ACACA: variants seen among roughly 807,000 people sequenced by gnomAD.
ACACA encodes acetyl-CoA carboxylase alpha.
In ACACA, 103 loss-of-function variants were observed where a neutral mutation model predicts 296.1. The ratio of observed to expected loss-of-function variants is 0.35; its 90% confidence interval spans 0.30 to 0.41. The LOEUF (loss-of-function observed/expected upper bound fraction) is 0.41, where lower values mean the gene tolerates loss of function less well. Ranked by LOEUF, ACACA falls within the 10% of genes least tolerant of loss-of-function variation. The pLI is 1.00. For missense variants in ACACA, 1,554 were observed against 2,989.7 expected (o/e 0.52, Z 11.20); for synonymous variants, 953 against 1,038.6 (o/e 0.92, Z 1.58).
chr17:37,210,663 G>A (rs1036689191), intron 29 of ACACA, among the ~76,000 whole-genome samples, 173 bp from the exon 30 acceptor site: 1 of 148,114 alleles, frequency 6.8e-6, no homozygotes, highest in African/African-American at 2.5e-5. Context: ...CTCCAAAGAG[G>A]CATGCTCCTA....
intron 32 of ACACA, among the ~76,000 whole-genome samples, chr17:37,206,123 T>C (rs2078489047): frequency 6.6e-6 from 1 of 152,174 alleles, no homozygotes; most frequent in Non-Finnish European, 1.5e-5. Context: ...CAATCTTTAC[T>C]TGGCATGAAG....
intron 29 of ACACA, among the ~76,000 whole-genome samples, chr17:37,211,401 C>T (rs766278609): frequency 5.3e-5 from 8 of 152,190 alleles, no homozygotes; most frequent in Non-Finnish European, 8.8e-5. Context: ...GCCTTTGCCA[C>T]TAACTCCTTT....
At chr17:37,213,458 G>A (rs2078849221) in intron 29 of ACACA, among the ~76,000 whole-genome samples, 1 of 151,910 alleles carries the variant, frequency 6.6e-6, no homozygotes, top group South Asian at 2.1e-4. Context: ...TGCTGTTTGG[G>A]CTATTCAAAA....
intron 52 of ACACA, among the ~76,000 whole-genome samples, chr17:37,100,766 CTG>C (rs2073314896): frequency 6.6e-6 from 1 of 152,074 alleles, no homozygotes; most frequent in East Asian, 1.9e-4. Context: ...AGGAGAAAGT[CTG>C]TGTTCTTAGA....
intron 45 of ACACA, among the ~76,000 whole-genome samples, chr17:37,132,902 T>C (rs778979103): frequency 1.3e-5 from 2 of 152,354 alleles, no homozygotes; most frequent in East Asian, 1.9e-4. Flanking sequence ...GCAAACTTGG[T>C]AGGCTCAATA....
intron 39 of ACACA, among the ~76,000 whole-genome samples, chr17:37,182,665 A>T (rs2077370831): frequency 6.6e-6 from 1 of 152,226 alleles, no homozygotes; most frequent in African/African-American, 2.4e-5. Context: ...CAGTGAATAC[A>T]AATGGAGATT....
chr17:37,094,558 T>C (rs1408500666), intron 54 of ACACA, among the ~76,000 whole-genome samples: 1 of 140,056 alleles, frequency 7.1e-6, no homozygotes, highest in Admixed American at 7.7e-5. Flanking sequence ...GTATCTATCA[T>C]TCTTTGAAGA....
intron 41 of ACACA, among the ~76,000 whole-genome samples, chr17:37,173,205 C>A (rs558900679): frequency 6.6e-6 from 1 of 152,310 alleles, no homozygotes; most frequent in South Asian, 2.1e-4. Context: ...AGCATATACA[C>A]ACTCTCTACA....
chr17:37,148,351 C>T (rs897192340), intron 45 of ACACA, among the ~76,000 whole-genome samples: 2 of 152,096 alleles, frequency 1.3e-5, no homozygotes, highest in Non-Finnish European at 2.9e-5. Context: ...GGGAGGAAGA[C>T]AGCCAAGTTC....
intron 41 of ACACA, among the ~76,000 whole-genome samples, chr17:37,165,985 C>T (rs1487608722): frequency 6.6e-6 from 1 of 151,994 alleles, no homozygotes; most frequent in Non-Finnish European, 1.5e-5. Context: ...CCTGAGAATT[C>T]TTCTGATAAC....
intron 29 of ACACA, among the ~76,000 whole-genome samples, chr17:37,216,222 A>G (rs1217255025): frequency 1.3e-5 from 2 of 150,960 alleles, no homozygotes; most frequent in African/African-American, 4.9e-5. Context: ...ATATATATAT[A>G]TATATGTTTC....
At chr17:37,247,113 T>C (rs2080745734) in intron 18 of ACACA, 137 bp from the exon 19 acceptor site, 1 of 931,668 alleles carries the variant, frequency 1.1e-6, no homozygotes, top group East Asian at 2.5e-5. Context: ...TCACTGCATA[T>C]TTGTTTACAA....
At chr17:37,111,497 C>CT (rs759457127) in intron 52 of ACACA, 34 bp downstream of exon 52, 5 of 1,503,536 alleles carry the variant, frequency 3.3e-6, no homozygotes, top group Non-Finnish European at 4.6e-6. Context: ...AGCTGAATGG[C>CT]TCATTGATTT....
intron 10 of ACACA, among the ~76,000 whole-genome samples, chr17:37,268,657 A>C (rs2081904627): frequency 6.6e-6 from 1 of 151,010 alleles, no homozygotes; most frequent in Non-Finnish European, 1.5e-5. Flanking sequence ...TAGCCCCATA[A>C]TTCTTCACTG....
chr17:37,386,950 T>TG (rs1468340410), intron 1 of ACACA: 2 of 152,402 alleles, frequency 1.3e-5, no homozygotes, highest in Non-Finnish European at 2.9e-5. Context: ...CCTGAGTAGC[T>TG]GGGACTACAG....
intron 43 of ACACA, among the ~76,000 whole-genome samples, chr17:37,152,269 G>T (rs1010974181): frequency 6.6e-6 from 1 of 152,188 alleles, no homozygotes; most frequent in South Asian, 2.1e-4. Flanking sequence ...GATTTTAGAT[G>T]CCCTCTCTTA....
chr17:37,342,399 TG>T (rs2048408342), intron 1 of ACACA, among the ~76,000 whole-genome samples: 1 of 58,510 alleles, frequency 1.7e-5, no homozygotes, highest in African/African-American at 8.1e-5. Flanking sequence ...AAAGTAAGAC[TG>T]TCTCTCAAAA....
In ACACA at chr17:37,301,590, T is replaced by C. The variant is rs141902671; in HGVS notation, c.339-16620A>G. On this transcript the variant is annotated intron_variant, in intron 3 of 55. Coordinates refer to ENST00000616317, the MANE Select transcript of ACACA (RefSeq NM_198834.3). ...AGAGAAATCTTGGATCAAGGATGTG[T>C]CTCTGTCAAAAAATCAAGTGACCAT... Among the ~76,000 whole-genome samples, 8 of 152,306 alleles carry C rather than the reference T, an allele frequency of 5.3e-5. No homozygotes were observed. The East Asian group carries it at 1.5e-3, about 29-fold the overall frequency.
At chr17:37,358,938 T>C (rs1199879184) in intron 1 of ACACA, 1 of 986,058 alleles carries the variant, frequency 1.0e-6, no homozygotes, top group African/African-American at 1.7e-5. Flanking sequence ...CCGCCGCCCC[T>C]CCCTTGGCCC....
Sources: gnomAD v4.1 joint callset for allele counts (sites outside exome capture counted in the v4.1 genomes callset) on GRCh38, gnomAD v4.1.1 for gene constraint, MANE v1.5 for transcripts, NCBI Gene and HGNC (gene_info 2026-07-23, HGNC 2026-07-21) for gene names.